CLPTM1: variants seen among roughly 807,000 people sequenced by gnomAD.
CLPTM1 encodes CLPTM1 regulator of GABA type A receptor forward trafficking, also known as putative lipid scramblase CLPTM1.
A neutral mutation model predicts 77.3 loss-of-function variants in CLPTM1; 21 were observed. That is an observed-to-expected ratio of 0.27 (90% confidence interval 0.19 to 0.39). CLPTM1 has a LOEUF of 0.39. CLPTM1 is among the 10% of genes least tolerant of loss of function. The pLI is 1.00. For synonymous variants in CLPTM1, 373 were observed against 381.0 expected (o/e 0.98, Z 0.24); for missense variants, 642 against 921.2 (o/e 0.70, Z 3.92).
At position 44,990,257 on chromosome 19, in the gene CLPTM1, G is replaced by A. The variant is rs990692288; in HGVS notation, c.1133-138G>A. On this transcript the variant is annotated intron_variant, in intron 9 of 13. Transcript: ENST00000337392. This position sits in a 1 kb window ranked among gnomAD's most constrained non-coding sequence, Gnocchi z 4.8. Reference sequence around the variant, plus strand: ...TATGAGAGCCTTCCTGGGAGAGAGGGGTCTCGTTCAGCACCCCTCCTGAGG... The same window carrying A: ...TATGAGAGCCTTCCTGGGAGAGAGGAGTCTCGTTCAGCACCCCTCCTGAGG... 17 of 782,012 alleles carry A rather than the reference G, an allele frequency of 2.2e-5. No individual in the cohort carries two copies. Among genetic ancestry groups the A allele is most frequent in the Non-Finnish European group, 3.1e-5 (15 of 479,100 alleles). 48.4% of individuals were successfully genotyped at this position (782,012 alleles called of 1,614,324 possible). A position where few individuals can be genotyped will look rare whatever the true frequency, so the allele number is the denominator to read the frequency against.
At position 44,985,432 on chromosome 19, in the gene CLPTM1, C is replaced by G; in HGVS notation, c.672+129C>G. On this transcript the variant is annotated intron_variant, in intron 6 of 13. Coordinates refer to ENST00000337392, the MANE Select transcript of CLPTM1 (RefSeq NM_001294.4). ...TGCCGGCTCGGTCATGCCACCTCCCCTCCCTGAGCACTGGGCTCCTCCTCT... is the reference window on the plus strand; with the variant it reads ...TGCCGGCTCGGTCATGCCACCTCCCGTCCCTGAGCACTGGGCTCCTCCTCT... The G allele has an allele frequency of 4.6e-6, 3 of 653,888 alleles. No homozygotes were observed. In the South Asian group the frequency reaches 5.3e-5, roughly 12 times the overall value. The allele number at this position is 653,888 out of a possible 1,614,324, so 40.5% of individuals were successfully genotyped here.
In CLPTM1 at chr19:44,992,428, C is replaced by T; in HGVS notation, c.1723+28C>T. 6.2e-7 allele frequency: 1 copy of T among 1,613,302 alleles called. No individual in the cohort carries two copies. The highest frequency in any genetic ancestry group is 1.3e-5 in the African/African-American group (1 of 74,956). ...GAGGCCCGGTGGGCAGGTGGGAGCT[C>T]CCACCGGAACAGGGCCCTGAGGCAG... On this transcript the variant is annotated intron_variant, in intron 13 of 13. Transcript: ENST00000337392. This position sits in a 1 kb window ranked among gnomAD's most constrained non-coding sequence, Gnocchi z 7.7.
At chr19:44,975,666 C>G (rs781723951) in intron 4 of CLPTM1, among the ~76,000 whole-genome samples, 1 of 152,042 alleles carries the variant, frequency 6.6e-6, no homozygotes. Flanking sequence ...CAGGTTCAAG[C>G]GATTCTCATG....
At chr19:44,985,743 G>A (rs1007331703) in intron 6 of CLPTM1, among the ~76,000 whole-genome samples, 5 of 152,094 alleles carry the variant, frequency 3.3e-5, no homozygotes, top group African/African-American at 1.2e-4. Context: ...CTGGGGAGCC[G>A]GGCAGTTAAT....
chr19:44,991,113 C>G lies in CLPTM1; in HGVS notation c.1420-125C>G. On this transcript the variant is annotated intron_variant, in intron 11 of 13. Transcript: ENST00000337392. The surrounding 1 kb of genome is among the most constrained non-coding windows in gnomAD (Gnocchi z 5.4). Reference sequence around the variant, plus strand: ...GCTTCCCTGGGCGAGTCCGGAGTCCCCAGGGCTACCTGGAAATTCCCCCTG... The same window carrying G: ...GCTTCCCTGGGCGAGTCCGGAGTCCGCAGGGCTACCTGGAAATTCCCCCTG... 5 of 1,523,656 alleles carry G rather than the reference C, an allele frequency of 3.3e-6. No homozygotes were observed. The South Asian group carries it at 3.6e-5, about 11-fold the overall frequency. The allele number at this position is 1,523,656 out of a possible 1,614,324, so 94.4% of individuals were successfully genotyped here.
At chr19:44,982,771 G>A (rs1352613655) in intron 5 of CLPTM1, among the ~76,000 whole-genome samples, 1 of 152,204 alleles carries the variant, frequency 6.6e-6, no homozygotes, top group Admixed American at 6.5e-5. Flanking sequence ...AATAATCATA[G>A]AAATGATGAG....
Position 44,991,110 on chromosome 19 carries a change from TC to T in CLPTM1, c.1420-124del. 6.7e-7 allele frequency: 1 copy of T among 1,493,710 alleles called. No homozygotes were observed. 92.5% of individuals were successfully genotyped at this position (1,493,710 alleles called of 1,614,324 possible). A position where few individuals can be genotyped will look rare whatever the true frequency, so the allele number is the denominator to read the frequency against. On this transcript the variant is annotated intron_variant, in intron 11 of 13. Coordinates refer to ENST00000337392, the MANE Select transcript of CLPTM1 (RefSeq NM_001294.4). The surrounding 1 kb of genome is among the most constrained non-coding windows in gnomAD (Gnocchi z 5.4). ...ACTGCTTCCCTGGGCGAGTCCGGAG[TC>T]CCCAGGGCTACCTGGAAATTCCCCC...
intron 2 of CLPTM1, among the ~76,000 whole-genome samples, chr19:44,965,638 G>A (rs1044532387): frequency 6.6e-6 from 1 of 151,020 alleles, no homozygotes; most frequent in Middle Eastern, 3.3e-3. Context: ...ACAGTGAAAC[G>A]CCGTCTCTAC....
intron 1 of CLPTM1, among the ~76,000 whole-genome samples, chr19:44,960,282 C>T (rs115661990): frequency 0.013 from 1,927 of 152,326 alleles, 37 homozygotes; most frequent in African/African-American, 0.041. Flanking sequence ...AACTCAGTTG[C>T]TGTCACTTCC....
rs747786490 is a variant in CLPTM1, at chr19:44,986,523, G to A, written c.741G>A (p.Val247=). ...ACCCCAACATCACCATCAACATCGTGGACGACCACACGCCGTGGGTGAAGG... is the reference window on the plus strand; with the variant it reads ...ACCCCAACATCACCATCAACATCGTAGACGACCACACGCCGTGGGTGAAGG... The part of the protein sequence containing the change: ...HWHPNITINI[V]DDHTPWVKGS... Residue 247 remains valine (V), a synonymous_variant, in exon 7 of 14, where the codon GTG becomes GTA. Transcript: ENST00000337392. 7 of 1,614,092 alleles carry A rather than the reference G, an allele frequency of 4.3e-6. 1 individual carries two copies. The South Asian group carries it at 7.7e-5, about 18-fold the overall frequency.
chr19:44,955,049 G>C (rs1970436132), upstream of CLPTM1: 1 of 1,535,620 alleles, frequency 6.5e-7, no homozygotes, highest in Non-Finnish European at 8.7e-7. Context: ...AGGGAGAAGC[G>C]GACAGGATGT....
rs73558179 is a variant in CLPTM1, at chr19:44,973,247, T to G, written c.309+37T>G. 0.061 allele frequency: 97,694 copies of G among 1,612,882 alleles called. 4,734 individuals carry two copies. Among genetic ancestry groups the G allele is most frequent in the African/African-American group, 0.23 (16,875 of 74,842 alleles). On this transcript the variant is annotated intron_variant, in intron 3 of 13. Transcript: ENST00000337392. ...GTGGTAGGGCAGACTTGGGAGGTGA[T>G]GGGGTGTGGAGGGGTGGAATGTGGA...
At chr19:44,962,424 G>C (rs1265507351) in intron 2 of CLPTM1, among the ~76,000 whole-genome samples, 1 of 152,130 alleles carries the variant, frequency 6.6e-6, no homozygotes, top group East Asian at 1.9e-4. Context: ...TTGTCTTACA[G>C]TTCTGAAGGC....
intron 5 of CLPTM1, among the ~76,000 whole-genome samples, chr19:44,981,091 T>C (rs1250533634): frequency 2.6e-5 from 4 of 152,126 alleles, no homozygotes; most frequent in Non-Finnish European, 4.4e-5. Flanking sequence ...TCCACCCGCC[T>C]TGGCCTCCCA....
At chr19:44,956,356 G>A (rs1038441321) in intron 1 of CLPTM1, among the ~76,000 whole-genome samples, 2 of 152,174 alleles carry the variant, frequency 1.3e-5, no homozygotes, top group Middle Eastern at 3.2e-3. Flanking sequence ...TGGACAGGAG[G>A]GCCAGCCATA....
chr19:44,989,495 G>A lies in CLPTM1; in HGVS notation c.1133-900G>A, dbSNP rs537621345. ...TCTCCAGACCCATTCTTCTCAGTTG[G>A]GACAGGGGTCATTCTGATGGGCAGG... On this transcript the variant is annotated intron_variant, in intron 9 of 13. Transcript: ENST00000337392. 4.6e-5 allele frequency among the ~76,000 whole-genome samples: 7 copies of A among 152,214 alleles called. No individual in the cohort carries two copies. In the East Asian group the frequency reaches 1.2e-3, roughly 25 times the overall value.
At chr19:44,955,194 C>T (rs1970439268), upstream of CLPTM1, 3 of 1,533,380 alleles carry the variant, frequency 2.0e-6, no homozygotes, top group South Asian at 1.2e-5. Context: ...TGGAAACAAA[C>T]GGGCTGGGAG....
In CLPTM1 at chr19:44,977,534, C is replaced by T. The variant is rs532895698; in HGVS notation, c.586+74C>T. On this transcript the variant is annotated intron_variant, in intron 5 of 13. Coordinates refer to ENST00000337392, the MANE Select transcript of CLPTM1 (RefSeq NM_001294.4). ...CCTGGGAGCCCCCAGGCTAATGTGG[C>T]GGACAAATCCCAAGTCCAGGAGGGC... 20 of 1,144,984 alleles carry T rather than the reference C, an allele frequency of 1.7e-5. No homozygotes were observed. In the East Asian group the frequency reaches 2.8e-4, roughly 16 times the overall value. 70.9% of individuals were successfully genotyped at this position (1,144,984 alleles called of 1,614,324 possible).
intron 2 of CLPTM1, among the ~76,000 whole-genome samples, chr19:44,971,441 A>G (rs1970716226): frequency 6.6e-6 from 1 of 152,188 alleles, no homozygotes; most frequent in South Asian, 2.1e-4. Flanking sequence ...CTAAAATTGG[A>G]ACTAACGTAT....
Sources: allele counts gnomAD v4.1 joint callset (sites outside exome capture counted in the v4.1 genomes callset), GRCh38; gene constraint gnomAD v4.1.1; non-coding constraint Gnocchi (gnomAD v3.1); transcripts MANE v1.5; gene names NCBI Gene and HGNC (gene_info 2026-07-23, HGNC 2026-07-21).